Variants in FAM161B observed in about 807,000 individuals in gnomAD.
FAM161B encodes the protein protein FAM161B.
In FAM161B, 46 loss-of-function variants were observed where a neutral mutation model predicts 61.5. That is an observed-to-expected ratio of 0.75 (90% CI 0.59 to 0.96). The LOEUF (loss-of-function observed/expected upper bound fraction) is 0.96, where lower values mean the gene tolerates loss of function less well. FAM161B is among the 40% of genes least tolerant of loss of function. The pLI is 0.00. For synonymous variants in FAM161B, 284 were observed against 302.7 expected, an observed-to-expected ratio of 0.94 and a Z score of 0.64; for missense variants, 774 against 800.7, an observed-to-expected ratio of 0.97 and a Z score of 0.40.
intron 8 of FAM161B, 32 bp downstream of exon 8, chr14:73,935,917 A>G (rs1403209931): frequency 1.9e-6 from 3 of 1,592,792 alleles, no homozygotes; most frequent in Non-Finnish European, 2.6e-6. Flanking sequence ...CAATTTAGAG[A>G]GCTGCAGAAT....
rs535146002 is a variant in FAM161B, at chr14:73,942,626, G to T, written c.1015C>A (p.Arg339=). ...ASSPIASSSN[R]ANPQPRTATR... The stretch of plus-strand genomic sequence containing the variant: ...GCTGTGCGGGGCTGTGGGTTAGCCC[G>T]GTTACTAGAGGAGGCGATAGGGGAA... The change falls in exon 4 of 9, where the codon CGG becomes AGG. Residue 339 remains arginine, a synonymous_variant. Transcript: ENST00000286544. 2.5e-5 allele frequency: 41 copies of T among 1,614,188 alleles called. 1 individual carries two copies. The South Asian group carries it at 2.9e-4, about 11-fold the overall frequency.
downstream of FAM161B, chr14:73,931,756 T>G: frequency 1.8e-6 from 1 of 561,290 alleles, no homozygotes; most frequent in Non-Finnish European, 3.2e-6. Context: ...AAGCAATGAC[T>G]GTGGGCTGGG....
chr14:73,932,865 C>T lies in FAM161B; in HGVS notation c.*1391G>A, dbSNP rs576515636. On this transcript the variant is annotated 3_prime_UTR_variant, in exon 9 of 9. Transcript: ENST00000286544. ...TCTTGAACGCCTGGCTTCAAGCGATCCTCCTGCCTTGGCCCCTCAAAGTGC... is the reference window on the plus strand; with the variant it reads ...TCTTGAACGCCTGGCTTCAAGCGATTCTCCTGCCTTGGCCCCTCAAAGTGC... 153 of 164,178 alleles carry T rather than the reference C, an allele frequency of 9.3e-4. No homozygotes were observed. In the South Asian group the frequency reaches 1.0e-2, roughly 11 times the overall value. The allele number at this position is 164,178 out of a possible 1,614,324, so 10.2% of individuals were successfully genotyped here. A position where few individuals can be genotyped will look rare whatever the true frequency, so the allele number is the denominator to read the frequency against.
At chr14:73,923,798 T>C in the FAM161B span, among the ~76,000 whole-genome samples, 2 of 152,244 alleles carry the variant, frequency 1.3e-5, no homozygotes, top group African/African-American at 4.8e-5. Flanking sequence ...TGCCACACTA[T>C]AACATGATAC....
rs781555738 is a variant in FAM161B at position 73,936,062 on chromosome 14, C to G, written c.1692G>C (p.Gln564His). The G allele has an allele frequency of 6.8e-6, 11 of 1,612,120 alleles. No homozygotes were observed. Among genetic ancestry groups the G allele is most frequent in the Non-Finnish European group, 9.3e-6 (11 of 1,178,926 alleles). The change falls in exon 8 of 9, where the codon CAG becomes CAC. Residue 564 changes from glutamine to histidine, a missense_variant. Transcript: ENST00000286544. ...AKDLAKKEAE[Q>H]WYLDTLKQAG... ...CCTGCTTCAGGGTGTCTAGATACCA[C>G]TGTTCTGCTTCTTTCTTGGCTAGAT...
Position 73,949,964 on chromosome 14 carries a change from T to C in FAM161B, c.54+9A>G. On this transcript the variant is annotated intron_variant, in intron 1 of 8. Coordinates refer to ENST00000286544, the MANE Select transcript of FAM161B (RefSeq NM_152445.3). The stretch of plus-strand genomic sequence containing the variant: ...CCTTTCCCGGGGGCAGTCTCTTTTC[T>C]CTCCTCACCTGACGGCTCCCCTCCG... The C allele has an allele frequency of 6.2e-7, 1 of 1,613,352 alleles. No individual in the cohort carries two copies. Among genetic ancestry groups the C allele is most frequent in the Non-Finnish European group, 8.5e-7 (1 of 1,179,910 alleles).
chr14:73,949,227 C>G (rs1033127354), intron 1 of FAM161B, among the ~76,000 whole-genome samples: 6 of 152,240 alleles, frequency 3.9e-5, no homozygotes, highest in Admixed American at 1.3e-4. Context: ...CTCAGCCTCC[C>G]GAGTAGCTGG....
At position 73,944,944 on chromosome 14, in the gene FAM161B, C is replaced by G. The variant is rs989592758; in HGVS notation, c.375-59G>C. 3 of 1,386,156 alleles carry G rather than the reference C, an allele frequency of 2.2e-6. No individual in the cohort carries two copies. The Admixed American group carries it at 8.2e-5, about 38-fold the overall frequency. 85.9% of individuals were successfully genotyped at this position (1,386,156 alleles called of 1,614,324 possible). A position where few individuals can be genotyped will look rare whatever the true frequency, so the allele number is the denominator to read the frequency against. Reference sequence around the variant, plus strand: ...GGGCAGTCAGGAGGCCCTGCTCCCTCCAGACCTCCTCCCCAGTCCTCCCTT... The same window carrying G: ...GGGCAGTCAGGAGGCCCTGCTCCCTGCAGACCTCCTCCCCAGTCCTCCCTT... On this transcript the variant is annotated intron_variant, in intron 2 of 8. Coordinates refer to ENST00000286544, the MANE Select transcript of FAM161B (RefSeq NM_152445.3).
At chr14:73,929,552 T>C (rs186742850), downstream of FAM161B, among the ~76,000 whole-genome samples, 2 of 152,210 alleles carry the variant, frequency 1.3e-5, no homozygotes, top group African/African-American at 2.4e-5. Context: ...AAATCTGTTA[T>C]CAGAAATTTT....
In FAM161B at chr14:73,934,021, C is replaced by T. The variant is rs1205038477; in HGVS notation, c.*235G>A. On this transcript the variant is annotated 3_prime_UTR_variant, in exon 9 of 9. Transcript: ENST00000286544. ...ATTTTTAGTAGAGGTGGAGTTTTGCCGTGTTGGCTGGACTGGTCTCAAACT... is the reference window on the plus strand; with the variant it reads ...ATTTTTAGTAGAGGTGGAGTTTTGCTGTGTTGGCTGGACTGGTCTCAAACT... The T allele has an allele frequency of 1.6e-5, 6 of 383,312 alleles. No individual in the cohort carries two copies. Among genetic ancestry groups the T allele is most frequent in the African/African-American group, 6.3e-5 (3 of 47,254 alleles). 23.7% of individuals were successfully genotyped at this position (383,312 alleles called of 1,614,324 possible). A position where few individuals can be genotyped will look rare whatever the true frequency, so the allele number is the denominator to read the frequency against.
rs553583776 is a variant in FAM161B at position 73,935,337 on chromosome 14, C to G, written c.1805+612G>C. On this transcript the variant is annotated intron_variant, in intron 8 of 8. Transcript: ENST00000286544. ...GGTGAGGAGATCGAGACCATCCTGG[C>G]TAACATGGTGAAACCCCGTCTCTAC... 3.3e-5 allele frequency among the ~76,000 whole-genome samples: 5 copies of G among 152,096 alleles called. No individual in the cohort carries two copies. In the East Asian group the frequency reaches 9.7e-4, roughly 29 times the overall value.
At chr14:73,938,472 TAATAA>T (rs1168872775) in intron 5 of FAM161B, among the ~76,000 whole-genome samples, 13 of 136,160 alleles carry the variant, frequency 9.5e-5, no homozygotes, top group South Asian at 4.6e-4. Flanking sequence ...ATAATAATAA[TAATAA>T]AATAAAATAA....
chr14:73,930,326 TA>T (rs1051285342), downstream of FAM161B, among the ~76,000 whole-genome samples: 7 of 151,964 alleles, frequency 4.6e-5, no homozygotes, highest in African/African-American at 1.5e-4. Flanking sequence ...ATTAAACTCT[TA>T]AAAAAAAGTT....
At position 73,933,917 on chromosome 14, in the gene FAM161B, G is replaced by T. The variant is rs748236152; in HGVS notation, c.*339C>A. ...GCTCATTACAACCTCTGCCTCTTGGGTTCAAGTGATTCTCCTGCCTCAGCT... is the reference window on the plus strand; with the variant it reads ...GCTCATTACAACCTCTGCCTCTTGGTTTCAAGTGATTCTCCTGCCTCAGCT... On this transcript the variant is annotated 3_prime_UTR_variant, in exon 9 of 9. Coordinates refer to ENST00000286544, the MANE Select transcript of FAM161B (RefSeq NM_152445.3). The T allele has an allele frequency of 1.0e-5, 2 of 199,118 alleles. No homozygotes were observed. Among genetic ancestry groups the T allele is most frequent in the Non-Finnish European group, 2.0e-5 (2 of 97,706 alleles). 12.3% of individuals were successfully genotyped at this position (199,118 alleles called of 1,614,324 possible). A position where few individuals can be genotyped will look rare whatever the true frequency, so the allele number is the denominator to read the frequency against.
At chr14:73,949,376 C>T (rs2056104424) in intron 1 of FAM161B, among the ~76,000 whole-genome samples, 5 of 151,962 alleles carry the variant, frequency 3.3e-5, no homozygotes, top group African/African-American at 1.2e-4. Context: ...TAAGCCACCG[C>T]ACCCGGCCAA....
intron 7 of FAM161B, 37 bp from the exon 8 acceptor site, chr14:73,936,125 T>G (rs776610989): frequency 1.5e-5 from 23 of 1,567,048 alleles, no homozygotes; most frequent in Non-Finnish European, 1.6e-5. Flanking sequence ...AGCTGTCTTA[T>G]GAATTACCAG....
At position 73,934,221 on chromosome 14, in the gene FAM161B, A is replaced by G; in HGVS notation, c.*35T>C. On this transcript the variant is annotated 3_prime_UTR_variant, in exon 9 of 9. Coordinates refer to ENST00000286544, the MANE Select transcript of FAM161B (RefSeq NM_152445.3). ...GACTCAAACCCAAGTTAGCTGCTTA[A>G]TATTTTTCAAAAGCAGTAATTTTAA... 6.2e-7 allele frequency: 1 copy of G among 1,600,802 alleles called. No homozygotes were observed. The highest frequency in any genetic ancestry group is 8.5e-7 in the Non-Finnish European group (1 of 1,175,640).
intron 5 of FAM161B, among the ~76,000 whole-genome samples, 197 bp from the exon 6 acceptor site, chr14:73,938,309 A>T (rs981283525): frequency 1.3e-5 from 2 of 151,988 alleles, no homozygotes; most frequent in African/African-American, 4.8e-5. Flanking sequence ...AAATACAAAA[A>T]TTAGCTGGGC....
intron 7 of FAM161B, 146 bp from the exon 8 acceptor site, chr14:73,936,234 T>G: frequency 1.0e-6 from 1 of 954,900 alleles, no homozygotes; most frequent in Non-Finnish European, 1.5e-6. Context: ...ATTTAACCCT[T>G]GTTTTCCAGC....
Sources: allele counts gnomAD v4.1 joint callset (sites outside exome capture counted in the v4.1 genomes callset), GRCh38; gene constraint gnomAD v4.1.1; transcripts MANE v1.5; gene names NCBI Gene and HGNC (gene_info 2026-07-23, HGNC 2026-07-21).